Variants in KYAT3 observed in about 807,000 individuals in gnomAD.
KYAT3 encodes the protein kynurenine--oxoglutarate transaminase 3.
A neutral mutation model predicts 59.0 loss-of-function variants in KYAT3; 50 were observed. The observed-to-expected ratio is 0.85, with a 90% CI of 0.68 to 1.07. KYAT3 has a LOEUF of 1.07. Among genes scored for constraint, KYAT3 ranks in the 50% least tolerant of loss-of-function variants. The pLI is 0.00. For synonymous variants in KYAT3, 148 were observed against 177.0 expected, an observed-to-expected ratio of 0.84 and a Z score of 1.30; for missense variants, 497 against 533.3, an observed-to-expected ratio of 0.93 and a Z score of 0.67.
chr1:88,991,293 T>C (rs1677780414), intron 1 of KYAT3, among the ~76,000 whole-genome samples: 1 of 152,172 alleles, frequency 6.6e-6, no homozygotes, highest in South Asian at 2.1e-4. Context: ...ATCCAAATGA[T>C]CAATTTATAC....
At chr1:88,961,113 T>C (rs1676120830) in intron 8 of KYAT3, 54 bp downstream of exon 8, 4 of 1,599,096 alleles carry the variant, frequency 2.5e-6, no homozygotes, top group Non-Finnish European at 2.6e-6. Flanking sequence ...CAATCAGTTC[T>C]TCCATATGTG....
intron 11 of KYAT3, among the ~76,000 whole-genome samples, chr1:88,947,857 G>A (rs1285093726): frequency 6.6e-6 from 1 of 152,204 alleles, no homozygotes; most frequent in Non-Finnish European, 1.5e-5. Context: ...GGGAGGCTGA[G>A]GCAGGTGGAT....
chr1:88,975,209 C>G (rs1393726857), intron 2 of KYAT3, among the ~76,000 whole-genome samples: 1 of 152,194 alleles, frequency 6.6e-6, no homozygotes, highest in African/African-American at 2.4e-5. Flanking sequence ...CTGTAACACT[C>G]ACCACAAGGG....
At chr1:88,948,469 G>A (rs1467237127) in intron 11 of KYAT3, among the ~76,000 whole-genome samples, 1 of 152,034 alleles carries the variant, frequency 6.6e-6, no homozygotes, top group Non-Finnish European at 1.5e-5. Context: ...AACAGCTTTA[G>A]GTAATATAAA....
intron 10 of KYAT3, among the ~76,000 whole-genome samples, chr1:88,952,414 T>A (rs144987041): frequency 6.6e-6 from 1 of 152,282 alleles, no homozygotes; most frequent in African/African-American, 2.4e-5. Flanking sequence ...GATTGGATCA[T>A]GGGAGTGGTT....
chr1:88,935,432 G>A (rs937533647), downstream of KYAT3, among the ~76,000 whole-genome samples: 5 of 151,990 alleles, frequency 3.3e-5, no homozygotes, highest in African/African-American at 1.2e-4. Context: ...GGAAGAATAG[G>A]TCATTATAGT....
At chr1:88,923,894 G>A in the KYAT3 span, 2 of 167,638 alleles carry the variant, frequency 1.2e-5, no homozygotes, top group Admixed American at 6.4e-5. Flanking sequence ...CTACTCACTG[G>A]AGGAAGGAAG....
intron 2 of KYAT3, among the ~76,000 whole-genome samples, chr1:88,970,312 T>G (rs1031783751): frequency 3.9e-5 from 6 of 152,216 alleles, no homozygotes; most frequent in African/African-American, 1.4e-4. Flanking sequence ...AACTCATTAT[T>G]ACTGTATGTT....
rs1676465693 is a variant in KYAT3 at position 88,969,444 on chromosome 1, A to G, written c.123T>C (p.Asn41=). The change falls in exon 3 of 14, where the codon AAT becomes AAC. Residue 41 remains asparagine, a synonymous_variant. Coordinates refer to ENST00000260508, the MANE Select transcript of KYAT3 (RefSeq NM_001008661.3). ...TSAKMSLKFT[N]AKRIEGLDSN... is the part of the protein sequence containing the mutation. ...TATCAAGTCCTTCAATCCGTTTTGCATTTGTGAATTTCAGTGACATTTTCT... is the reference window on the plus strand; with the variant it reads ...TATCAAGTCCTTCAATCCGTTTTGCGTTTGTGAATTTCAGTGACATTTTCT... The G allele has an allele frequency of 3.2e-6, 5 of 1,582,302 alleles. No homozygotes were observed. The East Asian group carries it at 6.7e-5, about 21-fold the overall frequency.
At chr1:88,969,578 T>G in intron 2 of KYAT3, 111 bp from the exon 3 acceptor site, 1 of 637,158 alleles carries the variant, frequency 1.6e-6, no homozygotes, top group South Asian at 1.8e-5. Flanking sequence ...AAATAGTAGT[T>G]CCATAAAGAT....
At chr1:88,933,685 C>A (rs148838665), downstream of KYAT3, among the ~76,000 whole-genome samples, 8 of 152,270 alleles carry the variant, frequency 5.3e-5, no homozygotes, top group East Asian at 1.9e-4. Context: ...GAAATAAGAT[C>A]CAGAGCACAG....
chr1:88,949,309 G>A (rs1675582369), intron 10 of KYAT3, 32 bp from the exon 11 acceptor site: 1 of 1,448,680 alleles, frequency 6.9e-7, no homozygotes, highest in African/African-American at 1.4e-5. Flanking sequence ...ATATGAAAAG[G>A]CATATGGCAA....
At chr1:88,977,481 C>T (rs1338782245) in intron 2 of KYAT3, among the ~76,000 whole-genome samples, 5 of 152,132 alleles carry the variant, frequency 3.3e-5, no homozygotes, top group African/African-American at 4.8e-5. Context: ...GGATTATAGG[C>T]GTGAGCCACT....
intron 4 of KYAT3, among the ~76,000 whole-genome samples, chr1:88,967,183 G>T (rs188355174): frequency 6.6e-6 from 1 of 151,486 alleles, no homozygotes; most frequent in Non-Finnish European, 1.5e-5. Context: ...TATTTCTTTC[G>T]CTGGCATTTT....
chr1:88,966,331 T>C (rs1021007736), intron 4 of KYAT3, among the ~76,000 whole-genome samples: 1 of 152,184 alleles, frequency 6.6e-6, no homozygotes, highest in Non-Finnish European at 1.5e-5. Flanking sequence ...AAAACTGACA[T>C]AGACAATATT....
intron 11 of KYAT3, among the ~76,000 whole-genome samples, chr1:88,947,343 G>A (rs1251745374): frequency 1.3e-5 from 2 of 152,212 alleles, no homozygotes; most frequent in Non-Finnish European, 2.9e-5. Flanking sequence ...CCACCTGCTG[G>A]TTGAGTGTGT....
At chr1:88,953,263 G>T (rs1675755879) in intron 9 of KYAT3, 111 bp from the exon 10 acceptor site, 2 of 709,410 alleles carry the variant, frequency 2.8e-6, no homozygotes, top group Non-Finnish European at 4.8e-6. Flanking sequence ...CTAAAATGTT[G>T]GCTGGGTATG....
intron 4 of KYAT3, among the ~76,000 whole-genome samples, chr1:88,965,996 T>C (rs1310839681): frequency 1.3e-5 from 2 of 152,168 alleles, no homozygotes; most frequent in African/African-American, 4.8e-5. Flanking sequence ...AAAATTTAAA[T>C]ACAAAAATAA....
At position 88,968,669 on chromosome 1, in the gene KYAT3, C is replaced by T. The variant is rs1386457433; in HGVS notation, c.303+1G>A. The T allele has an allele frequency of 4.5e-6, 7 of 1,556,606 alleles. No homozygotes were observed. In the South Asian group the frequency reaches 8.7e-5, roughly 19 times the overall value. On this transcript the variant is annotated splice_donor_variant, in intron 4 of 13. Coordinates refer to ENST00000260508, the MANE Select transcript of KYAT3 (RefSeq NM_001008661.3). LOFTEE classifies it high-confidence loss of function. ...GGCCCATATGGTCTTGATATACTTA[C>T]AAAGCCTCGTGTATACTGATTCAGG...
Sources: gnomAD v4.1 joint callset for allele counts (sites outside exome capture counted in the v4.1 genomes callset) on GRCh38, gnomAD v4.1.1 for gene constraint, MANE v1.5 for transcripts, NCBI Gene and HGNC (gene_info 2026-07-23, HGNC 2026-07-21) for gene names.